ZNF569: variants seen among roughly 807,000 people sequenced by gnomAD.
ZNF569 encodes zinc finger protein 569.
In ZNF569, 38 loss-of-function variants were observed where a neutral mutation model predicts 56.3. The observed-to-expected ratio is 0.68, with a 90% CI of 0.52 to 0.88. ZNF569 has a LOEUF of 0.88. ZNF569 is among the 40% of genes least tolerant of loss of function. The pLI, the probability that ZNF569 is intolerant of heterozygous loss-of-function variation, is 0.00. For missense variants in ZNF569, 666 were observed against 809.2 expected (o/e 0.82, Z 2.15); for synonymous variants, 241 against 262.9 (o/e 0.92, Z 0.81).
intron 2 of ZNF569, among the ~76,000 whole-genome samples, chr19:37,446,728 C>T (rs974307193): frequency 1.3e-5 from 2 of 151,972 alleles, no homozygotes; most frequent in East Asian, 3.9e-4. Context: ...GACCAAGAAC[C>T]GAAAAGCAAA....
chr19:37,441,245 G>A (rs2041400004), intron 3 of ZNF569, among the ~76,000 whole-genome samples: 1 of 152,192 alleles, frequency 6.6e-6, no homozygotes, highest in South Asian at 2.1e-4. Context: ...TGAAATGCAA[G>A]AGAAGCAGTG....
chr19:37,456,225 G>A (rs1271433125), intron 2 of ZNF569, among the ~76,000 whole-genome samples: 4 of 151,956 alleles, frequency 2.6e-5, no homozygotes, highest in South Asian at 2.1e-4. Context: ...ATTGGTTTCC[G>A]ATAGTTGGTG....
At chr19:37,435,525 A>G (rs1490555501) in intron 3 of ZNF569, among the ~76,000 whole-genome samples, 1 of 152,208 alleles carries the variant, frequency 6.6e-6, no homozygotes, top group East Asian at 1.9e-4. Context: ...AAGCTCTCCA[A>G]TCAAAAGACA....
intron 3 of ZNF569, among the ~76,000 whole-genome samples, chr19:37,430,014 G>A (rs1035967740): frequency 2.0e-5 from 3 of 152,144 alleles, no homozygotes; most frequent in African/African-American, 4.8e-5. Context: ...GCAAGATGAT[G>A]AGACCCTATC....
chr19:37,443,315 C>T (rs1199418097), intron 3 of ZNF569, among the ~76,000 whole-genome samples: 1 of 152,092 alleles, frequency 6.6e-6, no homozygotes, highest in East Asian at 1.9e-4. Flanking sequence ...CACTGCACTC[C>T]ACCCTGGGCA....
chr19:37,463,798 T>C (rs918613506), intron 2 of ZNF569, among the ~76,000 whole-genome samples: 1 of 152,176 alleles, frequency 6.6e-6, no homozygotes, highest in Admixed American at 6.5e-5. Flanking sequence ...ATATTGATGA[T>C]TCTGACCCTG....
intron 5 of ZNF569, among the ~76,000 whole-genome samples, chr19:37,424,566 C>T (rs995775972): frequency 6.6e-5 from 10 of 152,056 alleles, no homozygotes; most frequent in African/African-American, 2.4e-4. Flanking sequence ...GTAATCTCAG[C>T]ACTTTGGGAG....
At chr19:37,447,556 T>C (rs2041518236) in intron 2 of ZNF569, among the ~76,000 whole-genome samples, 1 of 152,208 alleles carries the variant, frequency 6.6e-6, no homozygotes, top group African/African-American at 2.4e-5. Flanking sequence ...AACAGTTATA[T>C]TCCTTCCTTT....
upstream of ZNF569, chr19:37,467,778 C>T (rs921578998): frequency 1.6e-4 from 178 of 1,099,012 alleles, 2 homozygotes; most frequent in Non-Finnish European, 1.9e-4. Context: ...GGGCGAGAGA[C>T]CCTGTCCAGT....
rs570646425 is a variant in ZNF569, at chr19:37,419,722, C to CA, written c.239-5304dup. On this transcript the variant is annotated intron_variant, in intron 5 of 5. Coordinates refer to ENST00000316950, the MANE Select transcript of ZNF569 (RefSeq NM_152484.3). ...TGGGTAACTAAGAGAGACTACGTCT[C>CA]AAAAAAAAAAAATTTAATACTATAT... Among the ~76,000 whole-genome samples, 991 of 140,040 alleles carry CA rather than the reference C, an allele frequency of 7.1e-3. 2 individuals are homozygous for CA. The highest frequency in any genetic ancestry group is 9.8e-3 in the Non-Finnish European group (627 of 64,296). 91.9% of individuals were successfully genotyped at this position (140,040 alleles called of 152,430 possible).
chr19:37,447,074 A>G (rs1400154437), intron 2 of ZNF569, among the ~76,000 whole-genome samples: 2 of 152,214 alleles, frequency 1.3e-5, no homozygotes, highest in Non-Finnish European at 2.9e-5. Flanking sequence ...CTGCAAGAAT[A>G]GCCATAATCA....
intron 1 of ZNF569, among the ~76,000 whole-genome samples, chr19:37,466,208 A>T (rs1276554618): frequency 1.3e-5 from 2 of 152,210 alleles, no homozygotes; most frequent in Non-Finnish European, 2.9e-5. Context: ...TCCACTCCCC[A>T]AATGGGGTGG....
chr19:37,446,511 C>A (rs1340829074), intron 2 of ZNF569, among the ~76,000 whole-genome samples: 3 of 146,594 alleles, frequency 2.0e-5, no homozygotes, highest in Non-Finnish European at 3.0e-5. Context: ...TATCACACCA[C>A]TGCACTCCAG....
At chr19:37,415,807 G>A (rs1409739404) in intron 5 of ZNF569, among the ~76,000 whole-genome samples, 1 of 151,616 alleles carries the variant, frequency 6.6e-6, no homozygotes. Flanking sequence ...GTGAACCTGT[G>A]AGGTAGAGGT....
intron 3 of ZNF569, among the ~76,000 whole-genome samples, chr19:37,436,589 A>C (rs2041313119): frequency 6.6e-6 from 1 of 152,070 alleles, no homozygotes; most frequent in Non-Finnish European, 1.5e-5. Flanking sequence ...AGCTAGACTA[A>C]GAAAAAAAGA....
chr19:37,420,991 T>A (rs946640592), intron 5 of ZNF569, among the ~76,000 whole-genome samples: 5 of 152,204 alleles, frequency 3.3e-5, no homozygotes, highest in African/African-American at 1.2e-4. Flanking sequence ...TACATCTCCA[T>A]TAGAGCTCCT....
intron 3 of ZNF569, among the ~76,000 whole-genome samples, chr19:37,444,654 C>T (rs1462531524): frequency 1.3e-5 from 2 of 152,210 alleles, no homozygotes; most frequent in African/African-American, 4.8e-5. Context: ...AATTATGTAA[C>T]AAATTTTTGC....
Position 37,433,491 on chromosome 19 carries a change from T to A in ZNF569, c.16-7113A>T, listed in dbSNP as rs572589612. 2.6e-5 allele frequency among the ~76,000 whole-genome samples: 4 copies of A among 152,246 alleles called. 1 individual carries two copies. Among genetic ancestry groups the A allele is most frequent in the African/African-American group, 9.6e-5 (4 of 41,558 alleles). ...CTAGAGAAAGATATTGATATTCAAG[T>A]ACAAGAAGGTTATAGAACACCAAGT... On this transcript the variant is annotated intron_variant, in intron 3 of 5. Transcript: ENST00000316950.
At chr19:37,422,677 A>G (rs1210126526) in intron 5 of ZNF569, among the ~76,000 whole-genome samples, 1 of 152,258 alleles carries the variant, frequency 6.6e-6, no homozygotes, top group Non-Finnish European at 1.5e-5. Flanking sequence ...AGAATCATTG[A>G]GAAAACAGAA....
Sources: gnomAD v4.1 joint callset for allele counts (sites outside exome capture counted in the v4.1 genomes callset) on GRCh38, gnomAD v4.1.1 for gene constraint, MANE v1.5 for transcripts, NCBI Gene and HGNC (gene_info 2026-07-23, HGNC 2026-07-21) for gene names.